WSCD2: variants seen among roughly 807,000 people sequenced by gnomAD.
The protein encoded by WSCD2 is sialate:O-sulfotransferase 2.
In WSCD2, 28 loss-of-function variants were observed where a neutral mutation model predicts 55.7. The ratio of observed to expected loss-of-function variants is 0.50; its 90% CI spans 0.37 to 0.69. WSCD2 has a LOEUF of 0.69. Ranked by LOEUF, WSCD2 falls within the 30% of genes least tolerant of loss-of-function variation. The probability of loss-of-function intolerance (pLI) is 0.00; values close to 1 mark genes in which losing one functional copy is unlikely to be tolerated. For missense variants in WSCD2, 616 were observed against 762.1 expected (o/e 0.81, Z 2.26); for synonymous variants, 301 against 301.9 (o/e 1.00, Z 0.03).
At chr12:108,233,114 C>T in intron 7 of WSCD2, 1 of 524,282 alleles carries the variant, frequency 1.9e-6, no homozygotes, top group Non-Finnish European at 3.3e-6. Context: ...CCACTAGCAT[C>T]CATTCAATAA....
rs561727660 is a variant in WSCD2, at chr12:108,231,717, T to C, written c.980-1014T>C. Among the ~76,000 whole-genome samples the C allele has an allele frequency of 7.9e-5, 12 of 152,376 alleles. No individual in the cohort carries two copies. In the South Asian group the frequency reaches 2.5e-3, roughly 32 times the overall value. On this transcript the variant is annotated intron_variant, in intron 6 of 8. Transcript: ENST00000547525. Reference sequence around the variant, plus strand: ...AAGCAGTTATTAAGTACCTGCTGTATACCAGATATTGTGGAAACTTTTGGT... The same window carrying C: ...AAGCAGTTATTAAGTACCTGCTGTACACCAGATATTGTGGAAACTTTTGGT...
At chr12:108,187,604 T>C (rs1212399091) in intron 1 of WSCD2, among the ~76,000 whole-genome samples, 1 of 152,178 alleles carries the variant, frequency 6.6e-6, no homozygotes, top group African/African-American at 2.4e-5. Flanking sequence ...TCTTATAGGG[T>C]TGTTGTAAGG....
At chr12:108,174,025 C>T (rs577888028) in intron 1 of WSCD2, among the ~76,000 whole-genome samples, 1 of 152,068 alleles carries the variant, frequency 6.6e-6, no homozygotes, top group Non-Finnish European at 1.5e-5. Context: ...CACTTTACAG[C>T]GTCATCTCAC....
intron 1 of WSCD2, among the ~76,000 whole-genome samples, chr12:108,172,895 G>T (rs1880380427): frequency 6.6e-6 from 1 of 152,134 alleles, no homozygotes; most frequent in Non-Finnish European, 1.5e-5. Flanking sequence ...AGATTCACAA[G>T]CTAATGCCCT....
chr12:108,196,251 G>T (rs760965189), intron 2 of WSCD2, 37 bp downstream of exon 2: 1 of 1,555,788 alleles, frequency 6.4e-7, no homozygotes, highest in East Asian at 2.3e-5. Context: ...GAGGGGCTGG[G>T]GAGAAGGGAG....
intron 1 of WSCD2, among the ~76,000 whole-genome samples, chr12:108,170,937 A>G (rs949727266): frequency 6.6e-6 from 1 of 152,156 alleles, no homozygotes; most frequent in Non-Finnish European, 1.5e-5. Flanking sequence ...TCCCTGGGCT[A>G]AGGCTGGGCT....
intron 1 of WSCD2, among the ~76,000 whole-genome samples, chr12:108,169,435 G>A (rs563851114): frequency 4.1e-4 from 63 of 152,152 alleles, no homozygotes; most frequent in African/African-American, 1.4e-3. Context: ...GCTCTGCTGA[G>A]AGCACAGAAT....
At chr12:108,227,779 T>C (rs1037214243) in intron 6 of WSCD2, among the ~76,000 whole-genome samples, 1 of 151,944 alleles carries the variant, frequency 6.6e-6, no homozygotes. Context: ...ATGGTGATGA[T>C]CATAATGATG....
At chr12:108,188,184 G>A (rs756684761) in intron 1 of WSCD2, among the ~76,000 whole-genome samples, 16 of 152,220 alleles carry the variant, frequency 1.1e-4, no homozygotes, top group East Asian at 5.8e-4. Flanking sequence ...GGCTGTGAGC[G>A]TAGGGTAGTG....
rs565937968 is a variant in WSCD2, at chr12:108,239,786, C to T, written c.1145-558C>T. 4.4e-4 allele frequency among the ~76,000 whole-genome samples: 67 copies of T among 152,332 alleles called. 3 individuals carry two copies. Among genetic ancestry groups the T allele is most frequent in the African/African-American group, 1.6e-3 (65 of 41,576 alleles). On this transcript the variant is annotated intron_variant, in intron 7 of 8. Transcript: ENST00000547525. ...CTGGACTGCAGTGGCATGATCATAGCTCACTGCAGCCTCAACCTTCTAGCT... is the reference window on the plus strand; with the variant it reads ...CTGGACTGCAGTGGCATGATCATAGTTCACTGCAGCCTCAACCTTCTAGCT...
chr12:108,227,449 T>C (rs1888234058), intron 6 of WSCD2, among the ~76,000 whole-genome samples: 1 of 152,264 alleles, frequency 6.6e-6, no homozygotes, highest in Non-Finnish European at 1.5e-5. Flanking sequence ...AGTCTCCCAC[T>C]GGCTGCAACA....
At chr12:108,247,812 C>T (rs1305660751) in intron 8 of WSCD2, among the ~76,000 whole-genome samples, 179 bp from the exon 9 acceptor site, 1 of 152,228 alleles carries the variant, frequency 6.6e-6, no homozygotes, top group Non-Finnish European at 1.5e-5. Flanking sequence ...CAGCCTTGGC[C>T]TCCCAAAGTG....
intron 1 of WSCD2, among the ~76,000 whole-genome samples, chr12:108,182,520 G>A (rs1881919610): frequency 6.6e-6 from 1 of 152,196 alleles, no homozygotes. Flanking sequence ...CCAGGAGAGA[G>A]GTCTGTGCAT....
intron 6 of WSCD2, among the ~76,000 whole-genome samples, chr12:108,228,843 C>G (rs1888418744): frequency 6.6e-6 from 1 of 152,200 alleles, no homozygotes; most frequent in Non-Finnish European, 1.5e-5. Context: ...GAGCATGTGG[C>G]TCTTGGACCT....
intron 8 of WSCD2, among the ~76,000 whole-genome samples, 194 bp downstream of exon 8, chr12:108,240,738 C>A (rs1889675057): frequency 6.6e-6 from 1 of 152,148 alleles, no homozygotes; most frequent in African/African-American, 2.4e-5. Flanking sequence ...TCCCACAACC[C>A]CCCACCTCCC....
At chr12:108,188,498 C>G (rs899915319) in intron 1 of WSCD2, among the ~76,000 whole-genome samples, 1 of 152,100 alleles carries the variant, frequency 6.6e-6, no homozygotes, top group African/African-American at 2.4e-5. Context: ...ACCCACTGTA[C>G]GGGGTGCAAA....
At chr12:108,208,495 T>C (rs1283679355) in intron 3 of WSCD2, among the ~76,000 whole-genome samples, 1 of 152,106 alleles carries the variant, frequency 6.6e-6, no homozygotes, top group Middle Eastern at 3.2e-3. Flanking sequence ...GGAAGAGTTA[T>C]CACAGTGAGA....
intron 8 of WSCD2, among the ~76,000 whole-genome samples, chr12:108,246,929 C>T (rs888874251): frequency 4.6e-5 from 7 of 152,038 alleles, no homozygotes; most frequent in Non-Finnish European, 1.0e-4. Flanking sequence ...AAGAAGATGA[C>T]CTGAAAACAG....
At chr12:108,240,616 G>A in intron 8 of WSCD2, 72 bp downstream of exon 8, 1 of 1,474,230 alleles carries the variant, frequency 6.8e-7, no homozygotes, top group South Asian at 1.3e-5. Flanking sequence ...AGGGTCCCGT[G>A]CTCCGGACCA....
Sources: allele counts gnomAD v4.1 joint callset (sites outside exome capture counted in the v4.1 genomes callset), GRCh38; gene constraint gnomAD v4.1.1; transcripts MANE v1.5; gene names NCBI Gene and HGNC (gene_info 2026-07-23, HGNC 2026-07-21).